TRMT11: variants seen among roughly 807,000 people sequenced by gnomAD.
The protein encoded by TRMT11 is tRNA methyltransferase 11, also known as tRNA (guanine(10)-N(2))-methyltransferase TRMT11.
TRMT11 carries 53 observed loss-of-function variants against 62.8 expected under a neutral mutation model. The observed-to-expected ratio is 0.84, with a 90% confidence interval of 0.68 to 1.06. The LOEUF (loss-of-function observed/expected upper bound fraction) is 1.06, where lower values mean the gene tolerates loss of function less well. Among genes scored for constraint, TRMT11 ranks in the 50% least tolerant of loss-of-function variants. The pLI is 0.00. For missense variants in TRMT11, 556 were observed against 553.4 expected (o/e 1.00, Z -0.05); for synonymous variants, 188 against 190.3 (o/e 0.99, Z 0.10).
intron 7 of TRMT11, among the ~76,000 whole-genome samples, chr6:126,002,308 T>C (rs1259421598): frequency 1.3e-5 from 2 of 152,198 alleles, no homozygotes; most frequent in Admixed American, 1.3e-4. Flanking sequence ...TTTGCACATA[T>C]ACTATAAATT....
At chr6:126,099,957 G>T (rs769760738) in intron 17 of TRMT11, among the ~76,000 whole-genome samples, 3 of 152,116 alleles carry the variant, frequency 2.0e-5, no homozygotes, top group Non-Finnish European at 4.4e-5. Context: ...CTTCAGAGGG[G>T]CCTGGCTGAG....
At chr6:126,000,793 G>T (rs1476945830) in intron 7 of TRMT11, among the ~76,000 whole-genome samples, 1 of 152,008 alleles carries the variant, frequency 6.6e-6, no homozygotes, top group African/African-American at 2.4e-5. Context: ...TTCTCTGCCA[G>T]TTTCTCCATA....
At chr6:126,016,134 G>A (rs1348323358) in intron 11 of TRMT11, among the ~76,000 whole-genome samples, 1 of 152,112 alleles carries the variant, frequency 6.6e-6, no homozygotes, top group East Asian at 1.9e-4. Flanking sequence ...ATTGTTGACA[G>A]CCACTTCTGA....
chr6:126,251,038 T>A, the TRMT11 span, among the ~76,000 whole-genome samples: 1 of 151,756 alleles, frequency 6.6e-6, no homozygotes, highest in African/African-American at 2.4e-5. Context: ...TTTCAATTTT[T>A]TTTTTTTTCC....
rs1484034449 is a variant in TRMT11, at chr6:125,986,595, G to C, written c.45G>C (p.Ala15=). 1.6e-5 allele frequency: 26 copies of C among 1,585,038 alleles called. No homozygotes were observed. The highest frequency in any genetic ancestry group is 2.0e-5 in the Non-Finnish European group (23 of 1,168,090). Reference sequence around the variant, plus strand: ...TTAACAGGTATCTGCTCCTCATGGCGCAGGAGCATCTGGAGTTCCGCCTGC... The same window carrying C: ...TTAACAGGTATCTGCTCCTCATGGCCCAGGAGCATCTGGAGTTCCGCCTGC... ...CTLNRYLLLM[A]QEHLEFRLPE... is the part of the protein sequence containing the mutation. The change falls in exon 1 of 13, where the codon GCG becomes GCC. Residue 15 remains alanine, a synonymous_variant. Coordinates refer to ENST00000334379, the MANE Select transcript of TRMT11 (RefSeq NM_001031712.3).
At chr6:126,090,359 T>C (rs1426153700) in intron 17 of TRMT11, among the ~76,000 whole-genome samples, 6 of 152,144 alleles carry the variant, frequency 3.9e-5, no homozygotes, top group African/African-American at 1.4e-4. Flanking sequence ...CTTAGACAAA[T>C]TGCAATTTCC....
At chr6:126,188,184 A>T (rs948059188) in intron 1 of TRMT11, among the ~76,000 whole-genome samples, 12 of 152,132 alleles carry the variant, frequency 7.9e-5, no homozygotes, top group Middle Eastern at 3.4e-3. Flanking sequence ...AAGAAAACAA[A>T]AAAGAACTGA....
At chr6:126,270,555 T>C in the TRMT11 span, among the ~76,000 whole-genome samples, 1 of 152,196 alleles carries the variant, frequency 6.6e-6, no homozygotes. Flanking sequence ...GATAAAAGTA[T>C]TGTATCAATG....
intron 11 of TRMT11, among the ~76,000 whole-genome samples, chr6:126,018,956 C>T (rs1055641801): frequency 8.5e-5 from 13 of 152,150 alleles, no homozygotes; most frequent in Non-Finnish European, 1.5e-4. Context: ...TCTCGGCTCA[C>T]TACAACCTCC....
At chr6:126,211,049 C>A in the TRMT11 span, among the ~76,000 whole-genome samples, 3 of 149,652 alleles carry the variant, frequency 2.0e-5, no homozygotes, top group African/African-American at 7.4e-5. Flanking sequence ...GATGTATTCA[C>A]GTGAATTTTC....
chr6:126,202,906 GA>G (rs1322705534), downstream of TRMT11, among the ~76,000 whole-genome samples: 3 of 152,152 alleles, frequency 2.0e-5, no homozygotes, highest in South Asian at 4.1e-4. Flanking sequence ...GAATTAGGAT[GA>G]TTTTTTTTCC....
At chr6:126,092,978 T>G (rs2082022863) in intron 17 of TRMT11, among the ~76,000 whole-genome samples, 1 of 152,244 alleles carries the variant, frequency 6.6e-6, no homozygotes, top group African/African-American at 2.4e-5. Context: ...TCTGGATCCC[T>G]TGTTCAAAGT....
At chr6:126,187,361 G>A (rs566104387) in intron 1 of TRMT11, among the ~76,000 whole-genome samples, 2 of 151,734 alleles carry the variant, frequency 1.3e-5, no homozygotes, top group African/African-American at 4.8e-5. Context: ...TACCATTTGC[G>A]ATACAGTAAA....
intron 8 of TRMT11, chr6:126,008,730 A>G (rs1043801246): frequency 3.3e-5 from 21 of 642,420 alleles, no homozygotes; most frequent in Middle Eastern, 2.5e-4. Flanking sequence ...TAGTAAATCT[A>G]TTTTTACTGA....
intron 17 of TRMT11, among the ~76,000 whole-genome samples, chr6:126,098,556 C>T (rs1777363916): frequency 6.6e-6 from 1 of 152,200 alleles, no homozygotes; most frequent in Non-Finnish European, 1.5e-5. Flanking sequence ...AACCTGTTTG[C>T]ATCCTCTCCC....
chr6:126,215,836 CACAA>C, the TRMT11 span, among the ~76,000 whole-genome samples: 2 of 151,984 alleles, frequency 1.3e-5, no homozygotes, highest in African/African-American at 2.4e-5. Context: ...ATGCTGAATG[CACAA>C]ACAAACCGAC....
chr6:126,061,297 C>G (rs1169524185), intron 17 of TRMT11, among the ~76,000 whole-genome samples: 1 of 152,172 alleles, frequency 6.6e-6, no homozygotes, highest in African/African-American at 2.4e-5. Context: ...GTTCCCAACT[C>G]AAAACAAGAT....
intron 12 of TRMT11, among the ~76,000 whole-genome samples, chr6:126,025,195 G>A (rs182145046): frequency 4.2e-4 from 64 of 152,174 alleles, no homozygotes; most frequent in Middle Eastern, 3.4e-3. Context: ...TTTTATACTT[G>A]CTTTCCACTG....
intron 17 of TRMT11, among the ~76,000 whole-genome samples, chr6:126,080,735 G>A (rs1004276837): frequency 2.0e-5 from 3 of 152,088 alleles, no homozygotes; most frequent in African/African-American, 7.2e-5. Flanking sequence ...TAGTTAAAAC[G>A]GGAGCATTCA....
Sources: gnomAD v4.1 joint callset for allele counts (sites outside exome capture counted in the v4.1 genomes callset) on GRCh38, gnomAD v4.1.1 for gene constraint, MANE v1.5 for transcripts, NCBI Gene and HGNC (gene_info 2026-07-23, HGNC 2026-07-21) for gene names.